Variants in CDK14 observed in about 807,000 individuals in gnomAD.
CDK14 encodes the protein cyclin dependent kinase 14.
CDK14 carries 34 observed loss-of-function variants against 60.7 expected under a neutral mutation model. The ratio of observed to expected loss-of-function variants is 0.56; its 90% CI spans 0.43 to 0.75. CDK14 has a LOEUF of 0.75. Among genes scored for constraint, CDK14 ranks in the 30% least tolerant of loss-of-function variants. The pLI, the probability that CDK14 is intolerant of heterozygous loss-of-function variation, is 0.00. For synonymous variants in CDK14, 197 were observed against 203.7 expected (o/e 0.97, Z 0.28); for missense variants, 482 against 564.1 (o/e 0.85, Z 1.47).
chr7:90,851,009 G>A (rs1043895690), intron 5 of CDK14, among the ~76,000 whole-genome samples: 2 of 152,008 alleles, frequency 1.3e-5, no homozygotes, highest in Admixed American at 1.3e-4. Flanking sequence ...ACACCTGGAA[G>A]GATATGAAGA....
chr7:91,164,395 G>A (rs575259914), intron 14 of CDK14, among the ~76,000 whole-genome samples: 1 of 152,290 alleles, frequency 6.6e-6, no homozygotes, highest in East Asian at 1.9e-4. Context: ...CGAAGAGAGA[G>A]CTACTATCGT....
At chr7:90,979,132 T>G (rs529307301) in intron 9 of CDK14, among the ~76,000 whole-genome samples, 2 of 152,282 alleles carry the variant, frequency 1.3e-5, no homozygotes, top group East Asian at 3.9e-4. Flanking sequence ...AGTGTGGTTG[T>G]TTTTCATTAA....
chr7:90,967,067 C>T (rs1261589683), intron 9 of CDK14, among the ~76,000 whole-genome samples: 4 of 147,600 alleles, frequency 2.7e-5, no homozygotes, highest in East Asian at 4.2e-4. Flanking sequence ...TCACCTTGAA[C>T]GTCTTGATAT....
chr7:91,164,560 C>T (rs896941177), intron 14 of CDK14, among the ~76,000 whole-genome samples: 5 of 152,154 alleles, frequency 3.3e-5, no homozygotes, highest in African/African-American at 4.8e-5. Flanking sequence ...CTCCAGGTCT[C>T]ATCAAGCTTT....
intron 2 of CDK14, among the ~76,000 whole-genome samples, chr7:90,700,359 T>G (rs1040965142): frequency 6.6e-6 from 1 of 152,150 alleles, no homozygotes; most frequent in African/African-American, 2.4e-5. Flanking sequence ...CCCAAAGTGC[T>G]AGGATTACAG....
At chr7:90,757,748 C>T (rs1202757996) in intron 4 of CDK14, among the ~76,000 whole-genome samples, 8 of 152,058 alleles carry the variant, frequency 5.3e-5, no homozygotes, top group South Asian at 4.1e-4. Context: ...ACTACAGGCA[C>T]GTGCCACCAC....
chr7:91,061,462 G>A (rs1213719187), intron 11 of CDK14, among the ~76,000 whole-genome samples: 1 of 152,236 alleles, frequency 6.6e-6, no homozygotes, highest in East Asian at 1.9e-4. Context: ...TTCCTTTGGA[G>A]GAGGAGAGGC....
At chr7:90,968,237 A>G (rs184967142) in intron 9 of CDK14, among the ~76,000 whole-genome samples, 316 of 152,340 alleles carry the variant, frequency 2.1e-3, no homozygotes, top group Non-Finnish European at 3.9e-3. Flanking sequence ...CAAATGTTGT[A>G]TCCTTAGATT....
chr7:91,172,279 C>T (rs1320585621), intron 14 of CDK14, among the ~76,000 whole-genome samples: 1 of 152,210 alleles, frequency 6.6e-6, no homozygotes, highest in South Asian at 2.1e-4. Context: ...AGCTCAGTAT[C>T]TTCCATGACT....
chr7:90,909,630 G>A (rs892899048), intron 7 of CDK14, among the ~76,000 whole-genome samples: 4 of 151,896 alleles, frequency 2.6e-5, no homozygotes, highest in African/African-American at 2.4e-5. Context: ...CCTCCATACC[G>A]GAAACACCAC....
intron 10 of CDK14, among the ~76,000 whole-genome samples, chr7:91,023,680 A>G (rs1197634199): frequency 6.6e-6 from 1 of 152,214 alleles, no homozygotes; most frequent in Admixed American, 6.5e-5. Flanking sequence ...GCATTATTTC[A>G]TGAACTCTCA....
At chr7:90,918,253 A>T (rs1793139299) in intron 8 of CDK14, among the ~76,000 whole-genome samples, 2 of 152,204 alleles carry the variant, frequency 1.3e-5, no homozygotes, top group African/African-American at 4.8e-5. Context: ...AGAAATCTAG[A>T]TGTAGTGTTA....
chr7:90,975,039 C>T (rs1419629241), intron 9 of CDK14, among the ~76,000 whole-genome samples: 1 of 152,066 alleles, frequency 6.6e-6, no homozygotes, highest in Non-Finnish European at 1.5e-5. Flanking sequence ...AATACATTTA[C>T]AAGTAAATAA....
intron 10 of CDK14, among the ~76,000 whole-genome samples, chr7:91,005,512 A>AT (rs1196044482): frequency 6.6e-6 from 1 of 152,168 alleles, no homozygotes; most frequent in African/African-American, 2.4e-5. Context: ...CAAAGGCTTT[A>AT]TTTTTTTAAA....
intron 14 of CDK14, among the ~76,000 whole-genome samples, chr7:91,125,568 T>A (rs1015620399): frequency 2.0e-5 from 3 of 152,012 alleles, no homozygotes; most frequent in African/African-American, 7.2e-5. Flanking sequence ...ACACACACCA[T>A]TCATACAGCC....
At chr7:90,827,507 A>T (rs1383820464) in intron 5 of CDK14, among the ~76,000 whole-genome samples, 1 of 152,224 alleles carries the variant, frequency 6.6e-6, no homozygotes, top group African/African-American at 2.4e-5. Context: ...GACACTGAGT[A>T]TATAGATGAA....
At chr7:91,014,813 C>T (rs146500407) in intron 10 of CDK14, among the ~76,000 whole-genome samples, 2,321 of 152,274 alleles carry the variant, frequency 0.015, 24 homozygotes, top group Non-Finnish European at 0.022. Context: ...GCCTGAGTGT[C>T]CACCTGCCTA....
At chr7:90,895,343 C>T (rs1320711617) in intron 6 of CDK14, among the ~76,000 whole-genome samples, 29 of 88,596 alleles carry the variant, frequency 3.3e-4, no homozygotes, top group Non-Finnish European at 4.9e-4. Flanking sequence ...CTCCTCTCCT[C>T]TCCTCTCCTC....
intron 1 of CDK14, 64 bp downstream of exon 1, chr7:90,596,782 G>C: frequency 7.3e-7 from 1 of 1,367,312 alleles, no homozygotes; most frequent in Non-Finnish European, 1.0e-6. Flanking sequence ...CCCCCGCCGC[G>C]TTCCTGGCAC....
Sources: gnomAD v4.1 joint callset for allele counts (sites outside exome capture counted in the v4.1 genomes callset) on GRCh38, gnomAD v4.1.1 for gene constraint, MANE v1.5 for transcripts, NCBI Gene and HGNC (gene_info 2026-07-23, HGNC 2026-07-21) for gene names.